ARHGEF10: variants seen among roughly 807,000 people sequenced by gnomAD.
ARHGEF10 encodes Rho guanine nucleotide exchange factor (GEF) 10.
A neutral mutation model predicts 147.4 loss-of-function variants in ARHGEF10; 140 were observed. The observed-to-expected ratio is 0.95, with a 90% CI of 0.83 to 1.09. ARHGEF10 has a LOEUF of 1.09. Among genes scored for constraint, ARHGEF10 ranks in the 50% least tolerant of loss-of-function variants. ARHGEF10 has a pLI of 0.00. For missense variants in ARHGEF10, 2,222 were observed against 1,752.7 expected (o/e 1.27, Z -4.78); for synonymous variants, 902 against 695.8 (o/e 1.30, Z -4.67).
intron 26 of ARHGEF10, among the ~76,000 whole-genome samples, chr8:1,936,892 C>T (rs1008414349): frequency 3.9e-5 from 6 of 152,120 alleles, no homozygotes; most frequent in South Asian, 2.1e-4. Context: ...GGGCTAATGC[C>T]GTCTTCAGCC....
At chr8:1,835,098 C>G (rs1341884090) in intron 1 of ARHGEF10, among the ~76,000 whole-genome samples, 1 of 152,266 alleles carries the variant, frequency 6.6e-6, no homozygotes, top group African/African-American at 2.4e-5. Context: ...CTGGGACATC[C>G]CACGCTCCTG....
intron 26 of ARHGEF10, among the ~76,000 whole-genome samples, chr8:1,944,246 G>A (rs1814371054): frequency 1.3e-5 from 2 of 151,642 alleles, no homozygotes; most frequent in Admixed American, 6.6e-5. Context: ...CCAGCCTCCC[G>A]CACCGTGTCG....
intron 7 of ARHGEF10, chr8:1,870,202 G>A (rs1020875845): frequency 6.6e-6 from 1 of 150,584 alleles, no homozygotes; most frequent in African/African-American, 2.5e-5. Context: ...TTCTGAAGTC[G>A]GCATTTTTCA....
Position 1,957,608 on chromosome 8 carries a change from A to G in ARHGEF10, c.*345A>G, listed in dbSNP as rs148681299. 6.2e-4 allele frequency: 180 copies of G among 288,272 alleles called. No individual in the cohort carries two copies. Among genetic ancestry groups the G allele is most frequent in the African/African-American group, 3.5e-3 (162 of 46,078 alleles). The allele number at this position is 288,272 out of a possible 1,614,324, so 17.9% of individuals were successfully genotyped here. On this transcript the variant is annotated 3_prime_UTR_variant, in exon 29 of 29. Transcript: ENST00000349830. ...TCATCAGCGTCAGACCTATTGTATC[A>G]TATTAGAGAATTTGCAGACTAAGAA...
rs139084783 is a variant in ARHGEF10, at chr8:1,957,143, G to C, written c.3915G>C (p.Ser1305=). The C allele has an allele frequency of 1.7e-5, 27 of 1,612,684 alleles. No homozygotes were observed. Among genetic ancestry groups the C allele is most frequent in the Non-Finnish European group, 2.1e-5 (25 of 1,180,048 alleles). Reference sequence around the variant, plus strand: ...GGGCCAAGAAAGCCAAGGCCAGCTCGGCGCTGGTGGTCTGTGGAGGGCAGG... The same window carrying C: ...GGGCCAAGAAAGCCAAGGCCAGCTCCGCGCTGGTGGTCTGTGGAGGGCAGG... ...ARRAKKAKAS[S]ALVVCGGQGH... The change falls in exon 29 of 29, where the codon TCG becomes TCC. Residue 1305 remains serine (S), a synonymous_variant. Coordinates refer to ENST00000349830, the MANE Select transcript of ARHGEF10 (RefSeq NM_014629.4).
intron 18 of ARHGEF10, among the ~76,000 whole-genome samples, chr8:1,919,801 G>GCC: frequency 6.6e-6 from 1 of 150,808 alleles, no homozygotes; most frequent in Non-Finnish European, 1.5e-5. Context: ...TTCTGTGGGT[G>GCC]ATGGAGCTGT....
chr8:1,889,056 T>C (rs1466306850), intron 11 of ARHGEF10, among the ~76,000 whole-genome samples: 2 of 88,692 alleles, frequency 2.3e-5, no homozygotes, highest in Non-Finnish European at 4.2e-5. Flanking sequence ...GTGCGGGTCA[T>C]GAGGAGACAG....
intron 28 of ARHGEF10, 23 bp from the exon 29 acceptor site, chr8:1,956,726 T>G (rs1815595824): frequency 6.2e-7 from 1 of 1,613,592 alleles, no homozygotes; most frequent in South Asian, 1.1e-5. Context: ...AAAAGACAGC[T>G]GTTGAACTGT....
At chr8:1,858,238 G>T in intron 3 of ARHGEF10, 123 bp downstream of exon 3, 2 of 865,514 alleles carry the variant, frequency 2.3e-6, no homozygotes, top group Non-Finnish European at 3.5e-6. Context: ...GTCCCCAGGT[G>T]GGTCCCCAGG....
intron 25 of ARHGEF10, among the ~76,000 whole-genome samples, chr8:1,930,054 G>A (rs1346299849): frequency 6.6e-6 from 1 of 152,124 alleles, no homozygotes; most frequent in African/African-American, 2.4e-5. Flanking sequence ...TCTGGCCGCC[G>A]CTGCTTGTGG....
intron 26 of ARHGEF10, among the ~76,000 whole-genome samples, chr8:1,935,039 TAAAC>T (rs1331320400): frequency 6.6e-6 from 1 of 152,136 alleles, no homozygotes; most frequent in East Asian, 1.9e-4. Flanking sequence ...AAGAAAGAAA[TAAAC>T]AATAAACTCA....
At chr8:1,934,005 T>G in intron 26 of ARHGEF10, 63 bp downstream of exon 26, 2 of 1,609,856 alleles carry the variant, frequency 1.2e-6, no homozygotes, top group Non-Finnish European at 1.7e-6. Context: ...CTCAGCTGAC[T>G]TCTGGTGCCG....
Position 1,925,295 on chromosome 8 carries a change from A to G in ARHGEF10, c.2501A>G (p.His834Arg), listed in dbSNP as rs142973221. 1,115 of 1,614,172 alleles carry G rather than the reference A, an allele frequency of 6.9e-4. 4 individuals carry two copies. The African/African-American group carries it at 0.011, about 16-fold the overall frequency. ...MAKLALEEEN[H>R]MGWFCVEDDG... is the part of the protein sequence containing the mutation. ...AATATAATTGCAGAAGAGGAGAACC[A>G]CATGGGCTGGTTCTGTGTGGAAGAC... The change falls in exon 22 of 29, where the codon CAC (histidine) becomes CGC (arginine). Residue 834 changes from histidine (H) to arginine (R), a missense_variant. Coordinates refer to ENST00000349830, the MANE Select transcript of ARHGEF10 (RefSeq NM_014629.4).
At chr8:1,893,730 A>G in intron 12 of ARHGEF10, 84 bp downstream of exon 12, 2 of 1,123,400 alleles carry the variant, frequency 1.8e-6, no homozygotes, top group Non-Finnish European at 2.7e-6. Flanking sequence ...AATGCAAAGC[A>G]TATATGTTTA....
intron 18 of ARHGEF10, among the ~76,000 whole-genome samples, chr8:1,917,187 CT>C (rs1033011172): frequency 1.3e-5 from 2 of 152,210 alleles, no homozygotes; most frequent in African/African-American, 2.4e-5. Context: ...TTTGTATCCT[CT>C]TTTAGACTCC....
At position 1,860,016 on chromosome 8, in the gene ARHGEF10, C is replaced by A; in HGVS notation, c.313C>A (p.Pro105Thr). The change falls in exon 4 of 29, where the codon CCG becomes ACG. Residue 105 changes from proline (P) to threonine (T), a missense_variant. Physicochemically the swap from Pro to Thr is conservative, Grantham distance 38. Coordinates refer to ENST00000349830, the MANE Select transcript of ARHGEF10 (RefSeq NM_014629.4). Reference sequence around the variant, plus strand: ...CATCACGCCATTCCAGGAGGACCAGCCGCCCACCCCCGTGCCCAGCGCTGA... The same window carrying A: ...CATCACGCCATTCCAGGAGGACCAGACGCCCACCCCCGTGCCCAGCGCTGA... ...IDITPFQEDQPPTPVPSAEEE... is the reference protein window; with the variant it reads ...IDITPFQEDQTPTPVPSAEEE... The A allele has an allele frequency of 6.2e-7, 1 of 1,614,142 alleles. No individual in the cohort carries two copies. The highest frequency in any genetic ancestry group is 1.1e-5 in the South Asian group (1 of 91,090).
intron 1 of ARHGEF10, among the ~76,000 whole-genome samples, chr8:1,833,264 A>G (rs1803358194): frequency 1.3e-5 from 2 of 150,896 alleles, no homozygotes; most frequent in South Asian, 4.2e-4. Context: ...AGACAGAGGC[A>G]GAGGCAGAGA....
intron 5 of ARHGEF10, among the ~76,000 whole-genome samples, chr8:1,866,310 C>G (rs1806606474): frequency 6.6e-6 from 1 of 152,182 alleles, no homozygotes; most frequent in South Asian, 2.1e-4. Flanking sequence ...GGCCAAACAT[C>G]TGGAATACTT....
Position 1,923,559 on chromosome 8 carries a change from G to T in ARHGEF10, c.2351G>T (p.Cys784Phe). The change falls in exon 20 of 29, where the codon TGC (cysteine) becomes TTC (phenylalanine). Residue 784 changes from cysteine to phenylalanine, a missense_variant. Transcript: ENST00000349830. ...KEDEIRAADC[C>F]RIQLQLPGKQ... The stretch of plus-strand genomic sequence containing the variant: ...GATGAAATCAGAGCTGCGGACTGCT[G>T]CAGAATTCAGTTACAGCTTCCCGGG... 6.2e-7 allele frequency: 1 copy of T among 1,614,118 alleles called. No individual in the cohort carries two copies. Among genetic ancestry groups the T allele is most frequent in the Non-Finnish European group, 8.5e-7 (1 of 1,180,048 alleles).
Sources: gnomAD v4.1 joint callset for allele counts (sites outside exome capture counted in the v4.1 genomes callset) on GRCh38, gnomAD v4.1.1 for gene constraint, MANE v1.5 for transcripts, NCBI Gene and HGNC (gene_info 2026-07-23, HGNC 2026-07-21) for gene names.